The following C6 variants were observed in gnomAD, a reference collection of about 807,000 sequenced individuals.
C6 encodes complement component C6.
Under a neutral mutation model 112.9 loss-of-function variants are expected in C6, and 101 were observed. That is an observed-to-expected ratio of 0.89 (90% CI 0.76 to 1.06). The LOEUF (loss-of-function observed/expected upper bound fraction) is 1.06. C6 is among the 50% of genes least tolerant of loss of function. C6 has a pLI of 0.00. For missense variants in C6, 1,202 were observed against 1,104.6 expected, an observed-to-expected ratio of 1.09 and a Z score of -1.25; for synonymous variants, 431 against 384.1, an observed-to-expected ratio of 1.12 and a Z score of -1.43.
intron 1 of C6, among the ~76,000 whole-genome samples, chr5:41,211,071 G>C (rs1279283498): frequency 6.6e-6 from 1 of 152,154 alleles, no homozygotes; most frequent in South Asian, 2.1e-4. Context: ...AAAATGATGA[G>C]TTCATATCCT....
chr5:41,214,641 T>G (rs916544264), upstream of C6, among the ~76,000 whole-genome samples: 4 of 152,134 alleles, frequency 2.6e-5, no homozygotes, highest in African/African-American at 9.7e-5. Context: ...CCTGAGAAGA[T>G]AAACAGGAAA....
At chr5:41,178,135 T>TAA (rs201780023) in intron 7 of C6, among the ~76,000 whole-genome samples, 3 of 152,146 alleles carry the variant, frequency 2.0e-5, no homozygotes, top group African/African-American at 7.2e-5. Context: ...TATTTTAGAT[T>TAA]AAAAAAATAC....
chr5:41,257,623 G>A (rs1192162757), intron 1 of C6, among the ~76,000 whole-genome samples: 1 of 152,098 alleles, frequency 6.6e-6, no homozygotes, highest in East Asian at 1.9e-4. Flanking sequence ...CTTTAAGGAA[G>A]GGTTACCACT....
At chr5:41,202,605 G>A (rs745894887) in intron 2 of C6, among the ~76,000 whole-genome samples, 4 of 152,194 alleles carry the variant, frequency 2.6e-5, no homozygotes, top group South Asian at 2.1e-4. Context: ...TGGGGGACAA[G>A]AAGTCTGAAT....
intron 4 of C6, among the ~76,000 whole-genome samples, chr5:41,197,573 G>A (rs1376238375): frequency 6.6e-6 from 1 of 152,084 alleles, no homozygotes; most frequent in Non-Finnish European, 1.5e-5. Context: ...ACAGAAGGAG[G>A]GATACACATG....
rs1470085979 is a variant in C6 at position 41,186,214 on chromosome 5, A to C, written c.588-6T>G. The C allele has an allele frequency of 3.1e-6, 5 of 1,613,578 alleles. No homozygotes were observed. Among genetic ancestry groups the C allele is most frequent in the Non-Finnish European group, 3.4e-6 (4 of 1,179,764 alleles). On this transcript the variant is annotated splice_region_variant and splice_polypyrimidine_tract_variant and intron_variant, in intron 5 of 17. Coordinates refer to ENST00000337836, the MANE Select transcript of C6 (RefSeq NM_000065.5). ...CTCCTGCCAGAAAATGAAACCTAGA[A>C]ACAAAGTAATTTTCAGGAATTCAAC... is the stretch of plus-strand genomic sequence containing the variant.
At chr5:41,241,204 T>C (rs989740176) in intron 1 of C6, among the ~76,000 whole-genome samples, 4 of 152,152 alleles carry the variant, frequency 2.6e-5, no homozygotes, top group Non-Finnish European at 5.9e-5. Context: ...ACCTTGCTGC[T>C]GGAGGCGGGG....
chr5:41,149,821 G>A, intron 16 of C6, 114 bp downstream of exon 16: 1 of 782,398 alleles, frequency 1.3e-6, no homozygotes, highest in East Asian at 2.6e-5. Flanking sequence ...TCAGTTATGT[G>A]GAAAATTCAT....
chr5:41,234,526 A>G (rs1740129857), intron 1 of C6, among the ~76,000 whole-genome samples: 1 of 152,124 alleles, frequency 6.6e-6, no homozygotes, highest in South Asian at 2.1e-4. Flanking sequence ...GATTTAATCT[A>G]GAAAGTGATT....
chr5:41,233,458 T>C (rs987417913), intron 1 of C6, among the ~76,000 whole-genome samples: 1 of 152,112 alleles, frequency 6.6e-6, no homozygotes, highest in African/African-American at 2.4e-5. Flanking sequence ...TCTTTTTCAC[T>C]ATAGATGGAG....
chr5:41,148,595 G>A (rs1746070729), intron 17 of C6, among the ~76,000 whole-genome samples: 1 of 152,176 alleles, frequency 6.6e-6, no homozygotes, highest in South Asian at 2.1e-4. Context: ...GAGAATGAGG[G>A]TCTAGTCTGG....
intron 1 of C6, among the ~76,000 whole-genome samples, chr5:41,240,969 G>C (rs1006881285): frequency 6.6e-6 from 1 of 152,160 alleles, no homozygotes; most frequent in African/African-American, 2.4e-5. Context: ...CTGATGCTAT[G>C]TGTGTGCACC....
chr5:41,211,082 T>A (rs891505282), intron 1 of C6, among the ~76,000 whole-genome samples: 2 of 152,210 alleles, frequency 1.3e-5, no homozygotes, highest in African/African-American at 2.4e-5. Context: ...TTCATATCCT[T>A]TGTAGGGACA....
intron 1 of C6, among the ~76,000 whole-genome samples, chr5:41,226,587 GAAC>G (rs1226357949): frequency 1.3e-5 from 2 of 152,074 alleles, no homozygotes; most frequent in Non-Finnish European, 2.9e-5. Context: ...TATGTCTCAT[GAAC>G]AACATCTCCC....
At chr5:41,209,109 A>G (rs886888143) in intron 1 of C6, among the ~76,000 whole-genome samples, 1 of 152,224 alleles carries the variant, frequency 6.6e-6, no homozygotes, top group Non-Finnish European at 1.5e-5. Context: ...AACAGAACCA[A>G]CGACAAAAAC....
intron 5 of C6, among the ~76,000 whole-genome samples, chr5:41,193,736 T>C (rs1750393936): frequency 6.6e-6 from 1 of 152,010 alleles, no homozygotes; most frequent in Non-Finnish European, 1.5e-5. Context: ...TTTTTATATC[T>C]CTTGTTAAAA....
intron 5 of C6, among the ~76,000 whole-genome samples, chr5:41,187,699 T>TAAAC (rs747816645): frequency 2.4e-5 from 3 of 123,230 alleles, no homozygotes; most frequent in African/African-American, 9.2e-5. Flanking sequence ...GACACACACA[T>TAAAC]ACACACACAC....
chr5:41,216,756 A>C (rs971172166), upstream of C6, among the ~76,000 whole-genome samples: 1 of 152,120 alleles, frequency 6.6e-6, no homozygotes, highest in Non-Finnish European at 1.5e-5. Flanking sequence ...TGAAGATTGC[A>C]TCAGTGGCTT....
chr5:41,254,013 A>T (rs182508048), intron 1 of C6, among the ~76,000 whole-genome samples: 42 of 152,350 alleles, frequency 2.8e-4, no homozygotes, highest in African/African-American at 9.4e-4. Flanking sequence ...AGTTGGCCTT[A>T]TTTATTAATA....
Sources: gnomAD v4.1 joint callset for allele counts (sites outside exome capture counted in the v4.1 genomes callset) on GRCh38, gnomAD v4.1.1 for gene constraint, MANE v1.5 for transcripts, NCBI Gene and HGNC (gene_info 2026-07-23, HGNC 2026-07-21) for gene names.